Variants in RGS22 observed in about 807,000 individuals in gnomAD.
The protein encoded by RGS22 is regulator of G-protein signaling 22.
Under a neutral mutation model 172.9 loss-of-function variants are expected in RGS22, and 148 were observed. The observed-to-expected ratio is 0.86, with a 90% CI of 0.75 to 0.98. The LOEUF is 0.98. Ranked by LOEUF, RGS22 falls within the 50% of genes least tolerant of loss-of-function variation. The pLI is 0.00. For synonymous variants in RGS22, 458 were observed against 480.2 expected, an observed-to-expected ratio of 0.95 and a Z score of 0.60; for missense variants, 1,347 against 1,440.8, an observed-to-expected ratio of 0.93 and a Z score of 1.05.
intron 14 of RGS22, among the ~76,000 whole-genome samples, chr8:100,035,116 T>C (rs568431629): frequency 2.2e-3 from 337 of 152,286 alleles, no homozygotes; most frequent in Non-Finnish European, 3.7e-3. Flanking sequence ...TGGGATCTAA[T>C]TAAACTGAAG....
intron 23 of RGS22, among the ~76,000 whole-genome samples, chr8:99,968,393 G>C (rs1403255793): frequency 1.3e-5 from 2 of 152,250 alleles, no homozygotes; most frequent in African/African-American, 4.8e-5. Context: ...TTGACGAATT[G>C]ACAGAAATAG....
chr8:100,064,955 T>C (rs1050571444), intron 7 of RGS22, among the ~76,000 whole-genome samples: 1 of 152,228 alleles, frequency 6.6e-6, no homozygotes, highest in Non-Finnish European at 1.5e-5. Context: ...AAAGGGATTA[T>C]TTGTATGCTT....
At chr8:99,970,422 C>CA (rs1365588830) in intron 23 of RGS22, among the ~76,000 whole-genome samples, 8 of 152,002 alleles carry the variant, frequency 5.3e-5, no homozygotes, top group Non-Finnish European at 1.0e-4. Context: ...AAAAACCCTT[C>CA]AAAAAATCAA....
chr8:99,997,809 A>G (rs1204214777), intron 19 of RGS22, among the ~76,000 whole-genome samples: 6 of 152,238 alleles, frequency 3.9e-5, no homozygotes, highest in African/African-American at 1.2e-4. Flanking sequence ...AAGCAAAGAC[A>G]AACCCACTTT....
At chr8:100,033,466 A>G (rs1819077243) in intron 14 of RGS22, among the ~76,000 whole-genome samples, 1 of 152,040 alleles carries the variant, frequency 6.6e-6, no homozygotes, top group Non-Finnish European at 1.5e-5. Context: ...AGACTAAACC[A>G]GGAAGAAGTT....
intron 24 of RGS22, among the ~76,000 whole-genome samples, chr8:99,963,320 G>GATAT (rs1255392029): frequency 6.6e-6 from 1 of 152,252 alleles, no homozygotes; most frequent in African/African-American, 2.4e-5. Context: ...TGAGGGTGGT[G>GATAT]ATATTCTGTT....
At chr8:100,095,686 C>T (rs2132015436) in intron 2 of RGS22, among the ~76,000 whole-genome samples, 2 of 152,320 alleles carry the variant, frequency 1.3e-5, no homozygotes, top group South Asian at 4.1e-4. Flanking sequence ...TCACTACAGA[C>T]TGATAAGAGT....
At chr8:99,989,907 T>TAG (rs1813526672) in intron 20 of RGS22, among the ~76,000 whole-genome samples, 1 of 119,114 alleles carries the variant, frequency 8.4e-6, no homozygotes, top group African/African-American at 3.1e-5. Context: ...TAGATAGATA[T>TAG]AGATAGATAG....
Position 100,063,475 on chromosome 8 carries a change from C to T in RGS22, c.1293G>A (p.Trp431Ter). The change falls in exon 8 of 28, where the codon TGG becomes TGA. Residue 431 changes from tryptophan (W) to a stop codon, truncating the protein, a stop_gained. Coordinates refer to ENST00000360863, the MANE Select transcript of RGS22 (RefSeq NM_015668.5). LOFTEE classifies it high-confidence loss of function. ...FIKGTLGERY[W>*]WLWMDIERLK... ...ACCTCTCAATATCCATCCATAGCCA[C>T]CAATATCTCTCTCCCAATGTACCTT... 3.7e-6 allele frequency: 6 copies of T among 1,613,226 alleles called. No individual in the cohort carries two copies. Among genetic ancestry groups the T allele is most frequent in the Non-Finnish European group, 5.1e-6 (6 of 1,179,340 alleles).
At chr8:100,081,939 T>C (rs1811795494) in intron 3 of RGS22, among the ~76,000 whole-genome samples, 1 of 143,230 alleles carries the variant, frequency 7.0e-6, no homozygotes, top group Non-Finnish European at 1.5e-5. Flanking sequence ...CCTCCTACCC[T>C]CTGACCTGGT....
chr8:99,963,205 C>A (rs1810394704), intron 24 of RGS22, among the ~76,000 whole-genome samples: 1 of 152,042 alleles, frequency 6.6e-6, no homozygotes, highest in Non-Finnish European at 1.5e-5. Flanking sequence ...CTACCTTAGT[C>A]CATTTTCATA....
At chr8:100,031,844 G>T (rs1818851252) in intron 14 of RGS22, among the ~76,000 whole-genome samples, 1 of 152,154 alleles carries the variant, frequency 6.6e-6, no homozygotes, top group Admixed American at 6.6e-5. Context: ...TAAGCCAGAA[G>T]ACAGTGGGGG....
At chr8:99,988,615 G>C (rs1348872570) in intron 20 of RGS22, among the ~76,000 whole-genome samples, 1 of 152,144 alleles carries the variant, frequency 6.6e-6, no homozygotes, top group East Asian at 1.9e-4. Context: ...ATCAATTTAA[G>C]TGTTTAGAGA....
In RGS22 at chr8:99,999,417, T is replaced by C. The variant is rs1191149621; in HGVS notation, c.2794A>G (p.Met932Val). Residue 932 changes from methionine (M) to valine (V), a missense_variant, in exon 19 of 28, where the codon ATG (methionine) becomes GTG (valine). By Grantham distance (21) the Met-to-Val change is conservative. Coordinates refer to ENST00000360863, the MANE Select transcript of RGS22 (RefSeq NM_015668.5). Reference sequence around the variant, plus strand: ...TTCCCCCAGCCACCACTTAAATGCATTACCTAAGAAAATTAAGATGGAAAC... The same window carrying C: ...TTCCCCCAGCCACCACTTAAATGCACTACCTAAGAAAATTAAGATGGAAAC... ...PASLYQQNQVMHLSGGWGKIL... is the reference protein window; with the variant it reads ...PASLYQQNQVVHLSGGWGKIL... The C allele has an allele frequency of 3.1e-6, 5 of 1,611,894 alleles. No individual in the cohort carries two copies. Among genetic ancestry groups the C allele is most frequent in the Non-Finnish European group, 4.2e-6 (5 of 1,179,416 alleles).
intron 14 of RGS22, among the ~76,000 whole-genome samples, chr8:100,024,576 T>C (rs938411241): frequency 6.6e-6 from 1 of 151,966 alleles, no homozygotes; most frequent in East Asian, 1.9e-4. Flanking sequence ...AGAAAAAAAA[T>C]ATTAAAGGTG....
intron 9 of RGS22, among the ~76,000 whole-genome samples, chr8:100,058,053 G>C (rs1458945515): frequency 4.6e-5 from 7 of 151,800 alleles, no homozygotes; most frequent in Non-Finnish European, 4.4e-5. Context: ...AGCAATTCTG[G>C]AGCTGAAAAA....
At chr8:100,052,262 T>C (rs989495129) in intron 10 of RGS22, among the ~76,000 whole-genome samples, 1 of 140,232 alleles carries the variant, frequency 7.1e-6, no homozygotes, top group African/African-American at 2.6e-5. Context: ...TAAATGTATA[T>C]AAATGTATAT....
At chr8:100,029,090 T>A (rs1818487415) in intron 14 of RGS22, among the ~76,000 whole-genome samples, 1 of 152,168 alleles carries the variant, frequency 6.6e-6, no homozygotes. Flanking sequence ...AACAAAAATC[T>A]GAGGCCATCA....
At chr8:100,019,847 G>GT (rs1222847665) in intron 14 of RGS22, among the ~76,000 whole-genome samples, 1 of 151,108 alleles carries the variant, frequency 6.6e-6, no homozygotes, top group African/African-American at 2.4e-5. Flanking sequence ...CACCAAGACA[G>GT]TATAAGAACT....
Sources: allele counts gnomAD v4.1 joint callset (sites outside exome capture counted in the v4.1 genomes callset), GRCh38; gene constraint gnomAD v4.1.1; transcripts MANE v1.5; gene names NCBI Gene and HGNC (gene_info 2026-07-23, HGNC 2026-07-21).